Variants in POU6F2 observed in about 807,000 individuals in gnomAD.
POU6F2 encodes POU class 6 homeobox 2, also known as POU domain, class 6, transcription factor 2.
Under a neutral mutation model 71.3 loss-of-function variants are expected in POU6F2, and 31 were observed. That is an observed-to-expected ratio of 0.43 (90% CI 0.33 to 0.59). The LOEUF (loss-of-function observed/expected upper bound fraction) is 0.59. Among genes scored for constraint, POU6F2 ranks in the 20% least tolerant of loss-of-function variants. The probability of loss-of-function intolerance (pLI) is 0.04; values close to 1 mark genes in which losing one functional copy is unlikely to be tolerated. For missense variants in POU6F2, 783 were observed against 856.8 expected (o/e 0.91, Z 1.07); for synonymous variants, 347 against 355.7 (o/e 0.98, Z 0.27).
At chr7:39,430,786 C>T (rs1788082305) in intron 6 of POU6F2, among the ~76,000 whole-genome samples, 1 of 152,192 alleles carries the variant, frequency 6.6e-6, no homozygotes. Context: ...ACAGCCCTGC[C>T]CCGTAGATGC....
chr7:39,306,087 A>G (rs144537595), intron 4 of POU6F2, among the ~76,000 whole-genome samples: 194 of 152,296 alleles, frequency 1.3e-3, no homozygotes, highest in African/African-American at 4.2e-3. Context: ...TATATCCATG[A>G]GCAATGTCTA....
At chr7:39,327,758 T>C (rs145467654) in intron 4 of POU6F2, among the ~76,000 whole-genome samples, 278 of 151,968 alleles carry the variant, frequency 1.8e-3, no homozygotes, top group African/African-American at 6.4e-3. Context: ...AAAACAGTCA[T>C]GTCTGACAAC....
At chr7:39,033,462 A>G (rs1164501443) in intron 1 of POU6F2, among the ~76,000 whole-genome samples, 1 of 152,234 alleles carries the variant, frequency 6.6e-6, no homozygotes, top group Non-Finnish European at 1.5e-5. Context: ...AAAATATATC[A>G]GAAGTCAAAA....
At chr7:39,255,169 A>C (rs970680926) in intron 4 of POU6F2, among the ~76,000 whole-genome samples, 5 of 152,238 alleles carry the variant, frequency 3.3e-5, no homozygotes, top group African/African-American at 1.2e-4. Flanking sequence ...ATTCTAAACA[A>C]ATGATCACTT....
At chr7:39,319,452 T>TA in intron 4 of POU6F2, among the ~76,000 whole-genome samples, 1 of 152,314 alleles carries the variant, frequency 6.6e-6, no homozygotes, top group Non-Finnish European at 1.5e-5. Flanking sequence ...AATCCTGGCC[T>TA]CTCAAATACA....
intron 1 of POU6F2, among the ~76,000 whole-genome samples, chr7:39,051,940 A>G (rs2128714063): frequency 6.6e-6 from 1 of 152,186 alleles, no homozygotes; most frequent in South Asian, 2.1e-4. Context: ...TAAAGTAACT[A>G]TACTTACCAT....
At position 39,204,247 on chromosome 7, in the gene POU6F2, A is replaced by G; in HGVS notation, c.290A>G (p.Asn97Ser). ...TPSKLFGARGNPALSDPGTPD... is the reference protein window; with the variant it reads ...TPSKLFGARGSPALSDPGTPD... ...TTTTGAATTCCAGGGGCTAGAGGAA[A>G]CCCAGCATTATCAGACCCAGGCACT... The change falls in exon 3 of 10, where the codon AAC (asparagine) becomes AGC (serine). Residue 97 changes from asparagine to serine, a missense_variant. Transcript: ENST00000518318. 1 of 1,613,742 alleles carries G rather than the reference A, an allele frequency of 6.2e-7. No homozygotes were observed. Among genetic ancestry groups the G allele is most frequent in the Non-Finnish European group, 8.5e-7 (1 of 1,179,772 alleles).
At chr7:39,159,559 A>G (rs1246859760) in intron 2 of POU6F2, among the ~76,000 whole-genome samples, 1 of 152,220 alleles carries the variant, frequency 6.6e-6, no homozygotes, top group African/African-American at 2.4e-5. Context: ...TAAACACATA[A>G]GCATATCTAG....
chr7:39,207,515 G>A lies in POU6F2; in HGVS notation c.493G>A (p.Gly165Arg), dbSNP rs759944788. ...NMAGQLGGQQ[G>R]LVLTLPTANL... ...GGCGGGACAGCTAGGAGGCCAGCAAGGACTGGTTCTCACACTGCCAACAGC... is the reference window on the plus strand; with the variant it reads ...GGCGGGACAGCTAGGAGGCCAGCAAAGACTGGTTCTCACACTGCCAACAGC... The change falls in exon 4 of 10, where the codon GGA (glycine) becomes AGA (arginine). Residue 165 changes from glycine to arginine, a missense_variant. Coordinates refer to ENST00000518318, the MANE Select transcript of POU6F2 (RefSeq NM_001370959.1). 3.7e-6 allele frequency: 6 copies of A among 1,614,020 alleles called. No homozygotes were observed. Among genetic ancestry groups the A allele is most frequent in the Non-Finnish European group, 5.1e-6 (6 of 1,179,886 alleles).
intron 1 of POU6F2, among the ~76,000 whole-genome samples, chr7:38,980,981 G>A (rs1788301951): frequency 6.6e-6 from 1 of 152,074 alleles, no homozygotes; most frequent in Non-Finnish European, 1.5e-5. Flanking sequence ...CCTCCCCCAA[G>A]CAAGCAATTA....
intron 2 of POU6F2, among the ~76,000 whole-genome samples, chr7:39,112,178 G>A (rs181416687): frequency 3.5e-4 from 53 of 152,212 alleles, no homozygotes; most frequent in Middle Eastern, 6.8e-3. Context: ...CCTTGTCAAC[G>A]TGTCTGCACA....
Position 39,043,697 on chromosome 7 carries a change from C to G in POU6F2, c.106-42163C>G, listed in dbSNP as rs146477924. ...AGGCTGTCTAGCATTTACGGTTGTT[C>G]AGTAATCAAGGAGTTGTTATTAGCC... On this transcript the variant is annotated intron_variant, in intron 1 of 9. Transcript: ENST00000518318. 3.6e-3 allele frequency among the ~76,000 whole-genome samples: 548 copies of G among 152,008 alleles called. 10 individuals carry two copies. Among genetic ancestry groups the G allele is most frequent in the South Asian group, 0.032 (156 of 4,816 alleles).
intron 1 of POU6F2, among the ~76,000 whole-genome samples, chr7:39,027,077 G>A (rs1219422742): frequency 1.3e-5 from 2 of 152,014 alleles, no homozygotes; most frequent in African/African-American, 4.8e-5. Flanking sequence ...GTTTTGCTTA[G>A]GATTAGTAAA....
chr7:39,275,927 T>G (rs1784429558), intron 4 of POU6F2, among the ~76,000 whole-genome samples: 1 of 151,790 alleles, frequency 6.6e-6, no homozygotes, highest in Non-Finnish European at 1.5e-5. Context: ...ACTTAAACGT[T>G]AGACCTAAAA....
chr7:39,210,785 T>A (rs533703620), intron 4 of POU6F2, among the ~76,000 whole-genome samples: 1 of 152,116 alleles, frequency 6.6e-6, no homozygotes, highest in African/African-American at 2.4e-5. Context: ...TTTTAAAAGA[T>A]CCCCAGATAA....
chr7:39,176,271 T>G (rs1035599077), intron 2 of POU6F2, among the ~76,000 whole-genome samples: 1 of 152,206 alleles, frequency 6.6e-6, no homozygotes, highest in African/African-American at 2.4e-5. Context: ...TCAGAGAGAA[T>G]GAGCATGACT....
intron 7 of POU6F2, among the ~76,000 whole-genome samples, chr7:39,439,359 T>G (rs1788333957): frequency 6.6e-6 from 1 of 152,216 alleles, no homozygotes; most frequent in South Asian, 2.1e-4. Flanking sequence ...CCCACTTACA[T>G]TTAAGGTTAA....
intron 2 of POU6F2, among the ~76,000 whole-genome samples, chr7:39,126,493 G>T (rs1228210748): frequency 2.6e-5 from 4 of 152,228 alleles, no homozygotes; most frequent in Non-Finnish European, 5.9e-5. Context: ...GTCCCTGCTA[G>T]TTAAGTACGT....
At chr7:39,140,532 C>T (rs1792474830) in intron 2 of POU6F2, among the ~76,000 whole-genome samples, 1 of 151,606 alleles carries the variant, frequency 6.6e-6, no homozygotes, top group African/African-American at 2.4e-5. Context: ...TGGCTGCTGG[C>T]AGCCATTGGC....
Sources: allele counts gnomAD v4.1 joint callset (sites outside exome capture counted in the v4.1 genomes callset), GRCh38; gene constraint gnomAD v4.1.1; transcripts MANE v1.5; gene names NCBI Gene and HGNC (gene_info 2026-07-23, HGNC 2026-07-21).